The following FRMPD3 variants were observed in gnomAD, a reference collection of about 807,000 sequenced individuals.
FRMPD3 encodes the protein FERM and PDZ domain-containing protein 3.
A neutral mutation model predicts 97.9 loss-of-function variants in FRMPD3; 42 were observed. The observed-to-expected ratio is 0.43, with a 90% confidence interval of 0.34 to 0.55. FRMPD3 has a LOEUF of 0.55. Among genes scored for constraint, FRMPD3 ranks in the 20% least tolerant of loss-of-function variants. The pLI is 0.03. For synonymous variants in FRMPD3, 577 were observed against 581.1 expected (o/e 0.99, Z 0.10); for missense variants, 1,303 against 1,457.7 (o/e 0.89, Z 1.73).
intron 1 of FRMPD3, among the ~76,000 whole-genome samples, chrX:107,507,189 G>A (rs774563948): frequency 4.5e-5 from 5 of 110,686 alleles, no homozygotes; most frequent in East Asian, 2.9e-4. Flanking sequence ...TTGGCGCGTC[G>A]GAAGCAGACA....
At chrX:107,507,417 G>A (rs757551670) in intron 1 of FRMPD3, among the ~76,000 whole-genome samples, 1 of 111,311 alleles carries the variant, frequency 9.0e-6, no homozygotes, top group South Asian at 3.9e-4. Context: ...CAGAAGCTGG[G>A]AGGGAAACCA....
intron 10 of FRMPD3, among the ~76,000 whole-genome samples, chrX:107,562,147 T>C: frequency 8.9e-6 from 1 of 112,401 alleles, no homozygotes; most frequent in Admixed American, 9.4e-5. Context: ...GAGAGATCCA[T>C]CTGTACAAAG....
intron 1 of FRMPD3, among the ~76,000 whole-genome samples, chrX:107,517,769 A>G (rs1458119959): frequency 2.9e-5 from 3 of 101,835 alleles, no homozygotes; most frequent in African/African-American, 1.1e-4. Flanking sequence ...GAAAAAAAAA[A>G]AAAGAAAGAA....
intron 4 of FRMPD3, among the ~76,000 whole-genome samples, chrX:107,535,671 TC>T (rs1161382230): frequency 5.8e-4 from 40 of 68,906 alleles, no homozygotes; most frequent in African/African-American, 2.8e-3. Flanking sequence ...AGACTCCATC[TC>T]AAAAAAAAAA....
chrX:107,451,034 C>G (rs1931279224), intron 1 of FRMPD3, among the ~76,000 whole-genome samples: 2 of 111,751 alleles, frequency 1.8e-5, no homozygotes, highest in Admixed American at 1.9e-4. Flanking sequence ...GCCCCATACA[C>G]ACACACTGAA....
rs190415336 is a variant in FRMPD3 at position 107,590,312 on chromosome X, A to G, written c.1442-7009A>G. Among the ~76,000 whole-genome samples the G allele has an allele frequency of 1.9e-4, 21 of 111,212 alleles. No homozygotes were observed. The Admixed American group carries it at 1.9e-3, about 10-fold the overall frequency. On this transcript the variant is annotated intron_variant, in intron 13 of 14. Transcript: ENST00000683843. Reference sequence around the variant, plus strand: ...TTTCAGTCAGTACAGTTTTGGATAGAAGTGGTGAGAACATCTGGACAGACC... The same window carrying G: ...TTTCAGTCAGTACAGTTTTGGATAGGAGTGGTGAGAACATCTGGACAGACC...
At chrX:107,472,669 G>A (rs1014528773) in intron 1 of FRMPD3, among the ~76,000 whole-genome samples, 1 of 111,731 alleles carries the variant, frequency 9.0e-6, no homozygotes, top group Non-Finnish European at 1.9e-5. Context: ...GGGCCTGTTG[G>A]GTCTGAGGCG....
chrX:107,557,155 T>G (rs1212738201), intron 8 of FRMPD3, among the ~76,000 whole-genome samples: 1 of 112,336 alleles, frequency 8.9e-6, no homozygotes, highest in Non-Finnish European at 1.9e-5. Context: ...CTTTTTTTAC[T>G]TTAGTCATTC....
At chrX:107,528,693 TC>T (rs767422357) in intron 2 of FRMPD3, among the ~76,000 whole-genome samples, 173 of 112,888 alleles carry the variant, frequency 1.5e-3, no homozygotes, top group African/African-American at 5.3e-3. Flanking sequence ...TAAGAGAGAC[TC>T]AGAGAGATTA....
chrX:107,474,294 G>T (rs1032169743), intron 1 of FRMPD3, among the ~76,000 whole-genome samples: 3 of 111,302 alleles, frequency 2.7e-5, no homozygotes, highest in African/African-American at 9.8e-5. Flanking sequence ...TGAAACCCTT[G>T]GAGCTTGAGG....
intron 6 of FRMPD3, 97 bp from the exon 7 acceptor site, chrX:107,552,698 C>A: frequency 1.0e-6 from 1 of 973,704 alleles, no homozygotes; most frequent in Non-Finnish European, 1.4e-6. Context: ...GACTATATTT[C>A]TTTTCTTGGT....
chrX:107,583,631 A>G (rs1923500590), intron 13 of FRMPD3, among the ~76,000 whole-genome samples: 1 of 111,542 alleles, frequency 9.0e-6, no homozygotes, highest in Non-Finnish European at 1.9e-5. Flanking sequence ...GTCAAATGGT[A>G]TTTCTGGTTC....
intron 3 of FRMPD3, among the ~76,000 whole-genome samples, chrX:107,531,076 C>G (rs1478968657): frequency 9.2e-6 from 1 of 108,660 alleles, no homozygotes; most frequent in Non-Finnish European, 1.9e-5. Context: ...AGAGTAATCA[C>G]ATTGTCTTTA....
intron 14 of FRMPD3, among the ~76,000 whole-genome samples, chrX:107,599,464 G>A (rs1188985394): frequency 9.0e-6 from 1 of 110,843 alleles, no homozygotes; most frequent in African/African-American, 3.3e-5. Context: ...TTAGAGTCTG[G>A]AGAGAGTGCT....
intron 1 of FRMPD3, among the ~76,000 whole-genome samples, chrX:107,453,390 T>C (rs1212253781): frequency 1.8e-5 from 2 of 108,946 alleles, no homozygotes; most frequent in African/African-American, 3.4e-5. Context: ...TTGATACCTA[T>C]TGATACTAGA....
Position 107,597,327 on chromosome X carries a change from T to C in FRMPD3, c.1448T>C (p.Met483Thr), listed in dbSNP as rs1334285694. 8.4e-7 allele frequency: 1 copy of C among 1,196,487 alleles called. No individual in the cohort carries two copies. ...ATTCTCTTTCTGGGTTTAGATTACATGCACAGCGCCCACCGCCCTGTCACT... is the reference window on the plus strand; with the variant it reads ...ATTCTCTTTCTGGGTTTAGATTACACGCACAGCGCCCACCGCCCTGTCACT... ...LPPPMIKADY[M>T]HSAHRPVTGG... is the part of the protein sequence containing the mutation. Residue 483 changes from methionine to threonine, a missense_variant, in exon 14 of 15, where the codon ATG becomes ACG. This residue lies in a region of FRMPD3 where 535 missense variants were observed against 618.6 expected (regional missense o/e 0.86). Transcript: ENST00000683843.
At chrX:107,467,854 C>G (rs1931601388) in intron 1 of FRMPD3, among the ~76,000 whole-genome samples, 1 of 110,813 alleles carries the variant, frequency 9.0e-6, no homozygotes, top group African/African-American at 3.4e-5. Flanking sequence ...AATGCCAGCT[C>G]CTGTTCTAAG....
intron 1 of FRMPD3, among the ~76,000 whole-genome samples, chrX:107,492,110 G>C (rs1333236106): frequency 9.0e-6 from 1 of 111,581 alleles, no homozygotes; most frequent in Non-Finnish European, 1.9e-5. Flanking sequence ...GCTCCTCTCT[G>C]CTCCAAATCT....
intron 13 of FRMPD3, among the ~76,000 whole-genome samples, chrX:107,587,392 A>T: frequency 9.1e-6 from 1 of 109,950 alleles, no homozygotes; most frequent in East Asian, 2.9e-4. Context: ...ATGGGTCTTG[A>T]CTCTTTATCC....
Sources: gnomAD v4.1 joint callset for allele counts (sites outside exome capture counted in the v4.1 genomes callset) on GRCh38, gnomAD v4.1.1 for gene constraint, gnomAD v4.1.1 regional missense constraint, MANE v1.5 for transcripts, NCBI Gene and HGNC (gene_info 2026-07-23, HGNC 2026-07-21) for gene names.